ADAM7: variants seen among roughly 807,000 people sequenced by gnomAD.
The protein encoded by ADAM7 is disintegrin and metalloproteinase domain-containing protein 7.
ADAM7 carries 97 observed loss-of-function variants against 102.9 expected under a neutral mutation model. That is an observed-to-expected ratio of 0.94 (90% CI 0.80 to 1.12). ADAM7 has a LOEUF of 1.12. ADAM7 is among the 50% of genes most tolerant of loss of function. The probability of loss-of-function intolerance (pLI) is 0.00; values close to 1 mark genes in which losing one functional copy is unlikely to be tolerated. For synonymous variants in ADAM7, 334 were observed against 304.4 expected (o/e 1.10, Z -1.01); for missense variants, 991 against 908.7 (o/e 1.09, Z -1.16).
At chr8:24,478,143 G>C (rs1382181374) in intron 8 of ADAM7, among the ~76,000 whole-genome samples, 1 of 152,126 alleles carries the variant, frequency 6.6e-6, no homozygotes, top group Non-Finnish European at 1.5e-5. Flanking sequence ...CTCTGCTCAG[G>C]ATCTCAGAAT....
At chr8:24,457,863 A>ACTGTGT (rs1554538194) in intron 3 of ADAM7, among the ~76,000 whole-genome samples, 2 of 147,980 alleles carry the variant, frequency 1.4e-5, no homozygotes, top group South Asian at 4.3e-4. Context: ...TATGTGTGTG[A>ACTGTGT]GTGTGTGTGT....
At chr8:24,447,101 G>A in intron 2 of ADAM7, 85 bp from the exon 3 acceptor site, 1 of 626,432 alleles carries the variant, frequency 1.6e-6, no homozygotes. Context: ...ATTGGAGATA[G>A]GGAACATTCA....
At chr8:24,467,360 C>G (rs1463132799) in intron 6 of ADAM7, 1 of 273,162 alleles carries the variant, frequency 3.7e-6, no homozygotes, top group Non-Finnish European at 6.8e-6. Context: ...ATGTTCTCCC[C>G]TTTTTATCAT....
chr8:24,485,208 G>A, intron 9 of ADAM7, 69 bp from the exon 10 acceptor site: 1 of 1,409,596 alleles, frequency 7.1e-7, no homozygotes, highest in Non-Finnish European at 1.0e-6. Flanking sequence ...GGGGTTCACT[G>A]CAATTTGATC....
Position 24,482,181 on chromosome 8 carries a change from A to G in ADAM7, c.745A>G (p.Ile249Val). 1 of 1,598,396 alleles carries G rather than the reference A, an allele frequency of 6.3e-7. No homozygotes were observed. The highest frequency in any genetic ancestry group is 8.5e-7 in the Non-Finnish European group (1 of 1,175,648). ...TLNIHVTLVG[I>V]EIWTHEDKIE... Reference sequence around the variant, plus strand: ...AAACATCCATGTGACGTTGGTTGGCATTGAAATATGGACACATGAAGATAA... The same window carrying G: ...AAACATCCATGTGACGTTGGTTGGCGTTGAAATATGGACACATGAAGATAA... Residue 249 changes from isoleucine to valine, a missense_variant, in exon 9 of 22, where the codon ATT becomes GTT. Physicochemically the swap from Ile to Val is conservative, Grantham distance 29. Transcript: ENST00000175238.
chr8:24,508,733 C>T lies in ADAM7; in HGVS notation c.*187C>T, dbSNP rs969375379. ...TGTTAATATTTACCGGTAGAATTCACACCCTCTATCATAAACATATGCTGC... is the reference window on the plus strand; with the variant it reads ...TGTTAATATTTACCGGTAGAATTCATACCCTCTATCATAAACATATGCTGC... On this transcript the variant is annotated 3_prime_UTR_variant, in exon 22 of 22. Transcript: ENST00000175238. 2.1e-6 allele frequency: 3 copies of T among 1,418,280 alleles called. No homozygotes were observed. Among genetic ancestry groups the T allele is most frequent in the Admixed American group, 5.6e-5 (2 of 35,774 alleles). The allele number at this position is 1,418,280 out of a possible 1,614,324, so 87.9% of individuals were successfully genotyped here.
chr8:24,453,292 C>G (rs13254067), intron 3 of ADAM7, among the ~76,000 whole-genome samples: 42,896 of 151,852 alleles, frequency 0.28, 6,604 homozygotes, highest in South Asian at 0.39. Flanking sequence ...GTACACCAAT[C>G]AGACGTAGAT....
chr8:24,498,916 T>C (rs1341053785), intron 16 of ADAM7, among the ~76,000 whole-genome samples: 2 of 152,022 alleles, frequency 1.3e-5, no homozygotes, highest in Non-Finnish European at 1.5e-5. Flanking sequence ...GCAATTACAG[T>C]TGTAGAATCT....
rs1819516436 is a variant in ADAM7, at chr8:24,468,888, T to C, written c.633+68T>C. The C allele has an allele frequency of 2.8e-6, 4 of 1,421,396 alleles. No individual in the cohort carries two copies. In the East Asian group the frequency reaches 6.9e-5, roughly 24 times the overall value. The allele number at this position is 1,421,396 out of a possible 1,614,324, so 88.0% of individuals were successfully genotyped here. A position where few individuals can be genotyped will look rare whatever the true frequency, so the allele number is the denominator to read the frequency against. ...GGAACTTGTAGTTATCATTCTAGCATAGAGAGAAAGGTATTCTAATCAGAG... is the reference window on the plus strand; with the variant it reads ...GGAACTTGTAGTTATCATTCTAGCACAGAGAGAAAGGTATTCTAATCAGAG... On this transcript the variant is annotated intron_variant, in intron 7 of 21. Coordinates refer to ENST00000175238, the MANE Select transcript of ADAM7 (RefSeq NM_003817.4).
intron 20 of ADAM7, among the ~76,000 whole-genome samples, chr8:24,502,627 T>C (rs1464502150): frequency 6.6e-6 from 1 of 152,076 alleles, no homozygotes; most frequent in African/African-American, 2.4e-5. Context: ...TTTAATAGTT[T>C]TGACAGTGCA....
intron 3 of ADAM7, among the ~76,000 whole-genome samples, chr8:24,451,165 A>C (rs918602338): frequency 1.3e-5 from 2 of 151,908 alleles, no homozygotes; most frequent in Non-Finnish European, 2.9e-5. Context: ...CTGGCCTCAT[A>C]AAATGAGTTA....
At chr8:24,504,652 T>G (rs535228066) in intron 20 of ADAM7, among the ~76,000 whole-genome samples, 306 of 152,210 alleles carry the variant, frequency 2.0e-3, no homozygotes, top group African/African-American at 7.0e-3. Flanking sequence ...TTTTGGTTGG[T>G]GGGGTGGTCT....
intron 7 of ADAM7, among the ~76,000 whole-genome samples, chr8:24,474,827 C>T (rs887601192): frequency 6.6e-6 from 1 of 151,870 alleles, no homozygotes; most frequent in African/African-American, 2.4e-5. Flanking sequence ...CCCAGGAGGT[C>T]GAGGCTGCAA....
intron 8 of ADAM7, among the ~76,000 whole-genome samples, chr8:24,478,337 T>C (rs1281559937): frequency 6.6e-6 from 1 of 152,176 alleles, no homozygotes; most frequent in Non-Finnish European, 1.5e-5. Context: ...GGCAGGTTTC[T>C]TCTTTGGGCC....
intron 3 of ADAM7, among the ~76,000 whole-genome samples, chr8:24,463,241 A>G (rs753571509): frequency 6.6e-6 from 1 of 152,152 alleles, no homozygotes; most frequent in Non-Finnish European, 1.5e-5. Context: ...TCTTATGTTC[A>G]GGTTGGGATC....
chr8:24,482,241 T>C lies in ADAM7; in HGVS notation c.805T>C (p.Leu269=), dbSNP rs756330227. The C allele has an allele frequency of 2.5e-6, 4 of 1,611,434 alleles. No individual in the cohort carries two copies. Among genetic ancestry groups the C allele is most frequent in the Middle Eastern group, 1.7e-4 (1 of 6,038 alleles). ...ELYSNIETTL[L]RFSFWQEKIL... ...ATATTCAAATATAGAAACTACCTTATTGCGTTTTTCATTTTGGCAAGAAAA... is the reference window on the plus strand; with the variant it reads ...ATATTCAAATATAGAAACTACCTTACTGCGTTTTTCATTTTGGCAAGAAAA... The change falls in exon 9 of 22, where the codon TTG becomes CTG. Residue 269 remains leucine, a synonymous_variant. Transcript: ENST00000175238.
At chr8:24,446,984 A>G (rs1392117166) in intron 2 of ADAM7, among the ~76,000 whole-genome samples, 3 of 151,458 alleles carry the variant, frequency 2.0e-5, no homozygotes, top group Admixed American at 2.0e-4. Context: ...ATCTAGTTCT[A>G]AAATATAACT....
At chr8:24,484,580 A>G (rs563542109) in intron 9 of ADAM7, among the ~76,000 whole-genome samples, 108 of 152,312 alleles carry the variant, frequency 7.1e-4, no homozygotes, top group African/African-American at 2.3e-3. Flanking sequence ...ATTGTAGCTA[A>G]TCAATCATGG....
intron 8 of ADAM7, among the ~76,000 whole-genome samples, chr8:24,481,175 A>G (rs1819939311): frequency 6.6e-6 from 1 of 152,202 alleles, no homozygotes. Context: ...TACATGTCTA[A>G]CTTCGGGAGA....
Sources: allele counts gnomAD v4.1 joint callset (sites outside exome capture counted in the v4.1 genomes callset), GRCh38; gene constraint gnomAD v4.1.1; transcripts MANE v1.5; gene names NCBI Gene and HGNC (gene_info 2026-07-23, HGNC 2026-07-21).